The following SGCZ variants were observed in gnomAD, a reference collection of about 807,000 sequenced individuals.
The protein encoded by SGCZ is sarcoglycan zeta, also known as zeta-sarcoglycan.
SGCZ carries 40 observed loss-of-function variants against 41.3 expected under a neutral mutation model. The observed-to-expected ratio is 0.97, with a 90% CI of 0.75 to 1.26. SGCZ has a LOEUF of 1.26. Ranked by LOEUF, SGCZ falls within the 50% of genes most tolerant of loss-of-function variation. The pLI, the probability that SGCZ is intolerant of heterozygous loss-of-function variation, is 0.00. For synonymous variants in SGCZ, 206 were observed against 137.5 expected (o/e 1.50, Z -3.49); for missense variants, 552 against 369.8 (o/e 1.49, Z -4.04).
chr8:15,214,658 C>T (rs1801342198), intron 1 of SGCZ, among the ~76,000 whole-genome samples: 1 of 152,102 alleles, frequency 6.6e-6, no homozygotes, highest in South Asian at 2.1e-4. Context: ...GTGGGGAGCT[C>T]ACGTTACAAT....
intron 2 of SGCZ, among the ~76,000 whole-genome samples, chr8:14,393,307 A>G (rs1460889062): frequency 6.6e-6 from 1 of 152,114 alleles, no homozygotes; most frequent in Non-Finnish European, 1.5e-5. Context: ...CCAGCTGCAG[A>G]CATAGACAAG....
At chr8:15,111,316 C>T (rs1807042619) in intron 1 of SGCZ, among the ~76,000 whole-genome samples, 2 of 152,126 alleles carry the variant, frequency 1.3e-5, no homozygotes, top group Admixed American at 6.5e-5. Context: ...ACAACCCTCT[C>T]CCGCTTCCAC....
intron 2 of SGCZ, among the ~76,000 whole-genome samples, chr8:14,467,306 G>A (rs778638813): frequency 1.1e-4 from 16 of 151,990 alleles, no homozygotes; most frequent in Non-Finnish European, 1.9e-4. Flanking sequence ...TTTTAATTCC[G>A]TGAAAGTCAC....
chr8:14,929,073 C>T (rs1799849531), intron 1 of SGCZ, among the ~76,000 whole-genome samples: 1 of 152,080 alleles, frequency 6.6e-6, no homozygotes, highest in Admixed American at 6.6e-5. Flanking sequence ...CTCACTGCGA[C>T]CTCCACCTCC....
chr8:14,393,986 T>A (rs891960660), intron 2 of SGCZ, among the ~76,000 whole-genome samples: 1 of 152,178 alleles, frequency 6.6e-6, no homozygotes, highest in East Asian at 1.9e-4. Flanking sequence ...ATATGTGTAC[T>A]TTAAAGAAGC....
intron 1 of SGCZ, among the ~76,000 whole-genome samples, chr8:14,903,528 A>G (rs1224963264): frequency 6.6e-6 from 1 of 152,090 alleles, no homozygotes; most frequent in African/African-American, 2.4e-5. Context: ...CTATTTATTG[A>G]AGAATAAATA....
intron 2 of SGCZ, among the ~76,000 whole-genome samples, chr8:14,471,107 T>C (rs957230849): frequency 3.3e-5 from 5 of 152,200 alleles, no homozygotes; most frequent in East Asian, 1.9e-4. Context: ...TTTTTTCTAA[T>C]GCTTGCCTTT....
At chr8:14,645,114 T>C (rs57573752) in intron 1 of SGCZ, among the ~76,000 whole-genome samples, 48 of 151,752 alleles carry the variant, frequency 3.2e-4, no homozygotes, top group Admixed American at 2.0e-3. Flanking sequence ...TTGAAAACCA[T>C]TGATCTATCA....
intron 3 of SGCZ, among the ~76,000 whole-genome samples, chr8:14,314,891 C>T (rs1309075194): frequency 1.3e-5 from 2 of 152,020 alleles, no homozygotes; most frequent in East Asian, 3.9e-4. Flanking sequence ...TGCATACAAC[C>T]CCTAGAAGGA....
At chr8:15,083,214 C>T (rs939361596) in intron 1 of SGCZ, among the ~76,000 whole-genome samples, 6 of 152,222 alleles carry the variant, frequency 3.9e-5, no homozygotes, top group Middle Eastern at 6.8e-3. Flanking sequence ...ATCAATTTCC[C>T]ACCTTTCTCT....
At chr8:14,450,956 C>T (rs945910086) in intron 2 of SGCZ, among the ~76,000 whole-genome samples, 3 of 152,116 alleles carry the variant, frequency 2.0e-5, no homozygotes, top group Non-Finnish European at 4.4e-5. Flanking sequence ...TATGAATATT[C>T]ATAACAGCAC....
At chr8:14,938,041 C>A (rs1007108544) in intron 1 of SGCZ, among the ~76,000 whole-genome samples, 3 of 152,072 alleles carry the variant, frequency 2.0e-5, no homozygotes, top group Non-Finnish European at 4.4e-5. Context: ...CTCTGTAATT[C>A]TTGCACTTTT....
At chr8:14,171,129 A>G (rs1297318854) in intron 4 of SGCZ, among the ~76,000 whole-genome samples, 2 of 134,606 alleles carry the variant, frequency 1.5e-5, no homozygotes, top group Non-Finnish European at 3.1e-5. Context: ...GTTACTTTTT[A>G]TTTCTAATAT....
chr8:14,539,770 C>A lies in SGCZ; in HGVS notation c.234+14962G>T, dbSNP rs143128774. Among the ~76,000 whole-genome samples, 5 of 152,018 alleles carry A rather than the reference C, an allele frequency of 3.3e-5. No individual in the cohort carries two copies. In the East Asian group the frequency reaches 9.7e-4, roughly 30 times the overall value. On this transcript the variant is annotated intron_variant, in intron 2 of 7. Transcript: ENST00000382080. ...GTCCATGTGTTCACATGATTTAGCT[C>A]CTATTTATAAGTGAGAACATGAAGT...
chr8:15,203,611 C>T (rs1313389612), intron 1 of SGCZ, among the ~76,000 whole-genome samples: 1 of 152,130 alleles, frequency 6.6e-6, no homozygotes. Flanking sequence ...ACAAATGTGG[C>T]ATTCATATAT....
intron 1 of SGCZ, among the ~76,000 whole-genome samples, chr8:15,111,336 G>A (rs1294923748): frequency 1.3e-5 from 2 of 152,128 alleles, no homozygotes; most frequent in African/African-American, 4.8e-5. Context: ...CTATATCTCA[G>A]ATGAAGAGGG....
At chr8:15,155,965 G>A (rs1435903474) in intron 1 of SGCZ, among the ~76,000 whole-genome samples, 1 of 149,434 alleles carries the variant, frequency 6.7e-6, no homozygotes, top group Non-Finnish European at 1.5e-5. Context: ...GGCCGAAGCA[G>A]GAGAATCGCT....
chr8:14,110,014 T>C (rs1308249822), intron 5 of SGCZ, among the ~76,000 whole-genome samples: 1 of 152,180 alleles, frequency 6.6e-6, no homozygotes, highest in Non-Finnish European at 1.5e-5. Context: ...TTTAAAACTT[T>C]TTTTCATGAA....
chr8:14,195,377 T>C (rs1169153616), intron 4 of SGCZ, among the ~76,000 whole-genome samples: 1 of 152,052 alleles, frequency 6.6e-6, no homozygotes, highest in Admixed American at 6.5e-5. Flanking sequence ...AAGAAAAAAT[T>C]AGAATAAAAA....
Sources: allele counts gnomAD v4.1 joint callset (sites outside exome capture counted in the v4.1 genomes callset), GRCh38; gene constraint gnomAD v4.1.1; transcripts MANE v1.5; gene names NCBI Gene and HGNC (gene_info 2026-07-23, HGNC 2026-07-21).